The following CCDC13 variants were observed in gnomAD, a reference collection of about 807,000 sequenced individuals.
CCDC13 encodes coiled-coil domain containing 13, also known as coiled-coil domain-containing protein 13.
CCDC13 carries 70 observed loss-of-function variants against 87.3 expected under a neutral mutation model. The ratio of observed to expected loss-of-function variants is 0.80; its 90% CI spans 0.66 to 0.98. The LOEUF is 0.98. CCDC13 is among the 50% of genes least tolerant of loss of function. The pLI is 0.00. For synonymous variants in CCDC13, 317 were observed against 360.3 expected (o/e 0.88, Z 1.36); for missense variants, 842 against 892.0 (o/e 0.94, Z 0.71).
Position 42,707,315 on chromosome 3 carries a change from A to G in CCDC13, c.*1665T>C, listed in dbSNP as rs1055503808. ...CTCTGCCTGGCCGTTTTCCTTCACA[A>G]GGAACCAGAGAAAAACTCTTCCTTC... On this transcript the variant is annotated 3_prime_UTR_variant, in exon 16 of 16. Transcript: ENST00000310232. Among the ~76,000 whole-genome samples, 2 of 152,100 alleles carry G rather than the reference A, an allele frequency of 1.3e-5. No individual in the cohort carries two copies. Among genetic ancestry groups the G allele is most frequent in the African/African-American group, 4.8e-5 (2 of 41,410 alleles).
At position 42,732,888 on chromosome 3, in the gene CCDC13, T is replaced by A. The variant is rs1698880651; in HGVS notation, c.1594A>T (p.Arg532Trp). ...SLPSPHRTSP[R>W]FSDSPEQKGW... ...AGTCCGGGGGTCGGGGGTCCATACCTAGGTGAGGTCCTGTGGGGACTGGGC... is the reference window on the plus strand; with the variant it reads ...AGTCCGGGGGTCGGGGGTCCATACCAAGGTGAGGTCCTGTGGGGACTGGGC... The change falls in exon 12 of 16, where the codon AGG becomes TGG. Residue 532 changes from arginine (R) to tryptophan (W), a missense_variant and splice_region_variant. Physicochemically the swap from Arg to Trp is moderately radical, Grantham distance 101 (BLOSUM62 -3). Coordinates refer to ENST00000310232, the MANE Select transcript of CCDC13 (RefSeq NM_144719.4). 6.4e-7 allele frequency: 1 copy of A among 1,552,298 alleles called. No homozygotes were observed. The highest frequency in any genetic ancestry group is 2.0e-5 in the Admixed American group (1 of 51,084).
At chr3:42,705,295 C>G (rs533681415), downstream of CCDC13, among the ~76,000 whole-genome samples, 1 of 152,048 alleles carries the variant, frequency 6.6e-6, no homozygotes, top group Non-Finnish European at 1.5e-5. Context: ...GAGGAGCACA[C>G]CCACTGGAGG....
chr3:42,735,760 G>C lies in CCDC13; in HGVS notation c.1318C>G (p.Arg440Gly), dbSNP rs376795920. The C allele has an allele frequency of 4.3e-6, 7 of 1,614,082 alleles. No homozygotes were observed. Among genetic ancestry groups the C allele is most frequent in the Non-Finnish European group, 5.9e-6 (7 of 1,180,048 alleles). ...VAQLQAMVAE[R>G]EAKVRQLEME... ...TCCAGCTGTCGCACTTTGGCCTCCC[G>C]CTCAGCTACCATGGCCTGCAGCTGG... Residue 440 changes from arginine (R) to glycine (G), a missense_variant, in exon 10 of 16, where the codon CGG (arginine) becomes GGG (glycine). Coordinates refer to ENST00000310232, the MANE Select transcript of CCDC13 (RefSeq NM_144719.4).
rs1699440383 is a variant in CCDC13, at chr3:42,747,356, C to T, written c.621G>A (p.Val207=). 2 of 1,613,726 alleles carry T rather than the reference C, an allele frequency of 1.2e-6. No individual in the cohort carries two copies. The highest frequency in any genetic ancestry group is 2.2e-5 in the South Asian group (2 of 91,090). The change falls in exon 6 of 16, where the codon GTG becomes GTA. Residue 207 remains valine, a synonymous_variant. Coordinates refer to ENST00000310232, the MANE Select transcript of CCDC13 (RefSeq NM_144719.4). ...GDRALLETPE[V]KALQDRLVAT... is the part of the protein sequence containing the mutation. ...CCACCAGCCTGTCCTGCAGGGCCTT[C>T]ACCTCTGGGGTCTCCAGCTGGTTGG...
intron 5 of CCDC13, 81 bp from the exon 6 acceptor site, chr3:42,747,454 C>A: frequency 1.0e-6 from 1 of 960,560 alleles, no homozygotes; most frequent in South Asian, 1.4e-5. Context: ...TTATCCAAGT[C>A]TGTGCCAGGC....
chr3:42,772,352 A>G (rs1700144229), intron 1 of CCDC13, among the ~76,000 whole-genome samples: 1 of 151,684 alleles, frequency 6.6e-6, no homozygotes, highest in Non-Finnish European at 1.5e-5. Flanking sequence ...TGGCTCAGGT[A>G]GGACTTAGAG....
At chr3:42,751,136 G>A (rs973484705) in intron 5 of CCDC13, among the ~76,000 whole-genome samples, 7 of 152,200 alleles carry the variant, frequency 4.6e-5, no homozygotes, top group South Asian at 2.1e-4. Flanking sequence ...TGATCCTGAG[G>A]TGCAGGCAGC....
At chr3:42,734,488 C>A (rs1281435245) in intron 10 of CCDC13, among the ~76,000 whole-genome samples, 1 of 152,146 alleles carries the variant, frequency 6.6e-6, no homozygotes, top group African/African-American at 2.4e-5. Flanking sequence ...CTTCCTTGTG[C>A]CCCCAGGCTC....
At chr3:42,728,513 G>A (rs1300605705) in intron 13 of CCDC13, among the ~76,000 whole-genome samples, 3 of 151,844 alleles carry the variant, frequency 2.0e-5, no homozygotes, top group Non-Finnish European at 2.9e-5. Context: ...TAGTTAAAAC[G>A]TTTAGTTTTA....
intron 14 of CCDC13, among the ~76,000 whole-genome samples, chr3:42,711,516 C>G (rs1282507533): frequency 6.6e-6 from 1 of 152,180 alleles, no homozygotes; most frequent in Non-Finnish European, 1.5e-5. Flanking sequence ...CTATTTGGCT[C>G]TCAAGGCCCT....
intron 8 of CCDC13, among the ~76,000 whole-genome samples, chr3:42,741,274 C>T (rs139152828): frequency 8.5e-5 from 13 of 152,272 alleles, no homozygotes; most frequent in African/African-American, 3.1e-4. Flanking sequence ...TCCTCACTGT[C>T]CCAGGTGTCT....
Position 42,747,263 on chromosome 3 carries a change from T to G in CCDC13, c.714A>C (p.Ala238=). The G allele has an allele frequency of 6.2e-7, 1 of 1,613,124 alleles. No homozygotes were observed. The highest frequency in any genetic ancestry group is 8.5e-7 in the Non-Finnish European group (1 of 1,179,126). The part of the protein sequence containing the change: ...IQSVKQELRM[A]QKVLAREVGE... ...AGCCCTGGCTCTGAAAGACCTTCTG[T>G]GCCATCCGCAGCTCCTGCTTCACAG... The change falls in exon 6 of 16, where the codon GCA becomes GCC. Residue 238 remains alanine (A), a synonymous_variant. Transcript: ENST00000310232.
At chr3:42,737,249 T>G (rs1388081467) in intron 9 of CCDC13, among the ~76,000 whole-genome samples, 1 of 152,228 alleles carries the variant, frequency 6.6e-6, no homozygotes, top group Admixed American at 6.5e-5. Context: ...GAACTCATCC[T>G]TTTTTATGGC....
At chr3:42,738,987 T>C (rs966517196) in intron 9 of CCDC13, among the ~76,000 whole-genome samples, 39 of 152,226 alleles carry the variant, frequency 2.6e-4, no homozygotes, top group Non-Finnish European at 5.0e-4. Flanking sequence ...TGTCCTGTGC[T>C]GGTTTTCAAA....
chr3:42,741,198 C>A (rs1699204743), intron 8 of CCDC13: 1 of 152,158 alleles, frequency 6.6e-6, no homozygotes, highest in Admixed American at 6.5e-5. Flanking sequence ...CCCTAGAAGT[C>A]CTTTATAACT....
intron 13 of CCDC13, among the ~76,000 whole-genome samples, chr3:42,713,727 C>T (rs1383632146): frequency 6.6e-6 from 1 of 152,186 alleles, no homozygotes; most frequent in Non-Finnish European, 1.5e-5. Context: ...TCCTACGAAA[C>T]AGAATCACCT....
intron 13 of CCDC13, among the ~76,000 whole-genome samples, chr3:42,722,863 C>G (rs1187808559): frequency 3.0e-4 from 41 of 135,160 alleles, no homozygotes; most frequent in Admixed American, 2.9e-3. Flanking sequence ...GTGGCACTAT[C>G]TCGGCTCATT....
chr3:42,746,099 T>A, intron 6 of CCDC13, 72 bp from the exon 7 acceptor site: 1 of 1,094,536 alleles, frequency 9.1e-7, no homozygotes, highest in Non-Finnish European at 1.4e-6. Flanking sequence ...GCTACGTATT[T>A]AGAAGCATAT....
At chr3:42,716,922 T>C (rs1698443649) in intron 13 of CCDC13, among the ~76,000 whole-genome samples, 1 of 152,234 alleles carries the variant, frequency 6.6e-6, no homozygotes, top group African/African-American at 2.4e-5. Flanking sequence ...ACAATCCAAG[T>C]GTCCATCAAC....
Sources: allele counts gnomAD v4.1 joint callset (sites outside exome capture counted in the v4.1 genomes callset), GRCh38; gene constraint gnomAD v4.1.1; transcripts MANE v1.5; gene names NCBI Gene and HGNC (gene_info 2026-07-23, HGNC 2026-07-21).